Variants in IZUMO3 observed in about 807,000 individuals in gnomAD.
The protein encoded by IZUMO3 is izumo sperm-egg fusion protein 3.
IZUMO3 carries 36 observed loss-of-function variants against 28.4 expected under a neutral mutation model. The ratio of observed to expected loss-of-function variants is 1.27; its 90% confidence interval spans 0.97 to 1.67. The LOEUF (loss-of-function observed/expected upper bound fraction) is 1.67, where lower values mean the gene tolerates loss of function less well. Among genes scored for constraint, IZUMO3 ranks in the 40% most tolerant of loss-of-function variants. The pLI is 0.00. For missense variants in IZUMO3, 387 were observed against 278.5 expected, an observed-to-expected ratio of 1.39 and a Z score of -2.77; for synonymous variants, 126 against 99.2, an observed-to-expected ratio of 1.27 and a Z score of -1.61.
intron 6 of IZUMO3, 64 bp from the exon 7 acceptor site, chr9:24,543,431 A>G: frequency 4.6e-6 from 1 of 218,312 alleles, no homozygotes; most frequent in South Asian, 7.7e-5. Flanking sequence ...TAAGCCAGTT[A>G]TACATTGTTT....
In IZUMO3 at chr9:24,545,684, G is replaced by T; in HGVS notation, c.-35C>A. The T allele has an allele frequency of 6.5e-7, 1 of 1,534,892 alleles. No individual in the cohort carries two copies. On this transcript the variant is annotated 5_prime_UTR_variant, in exon 1 of 7. Transcript: ENST00000543880. ...CACCCCCGCTCCCCGACAGCAGGTT[G>T]TCCTGGCAACTAGTTCACTTAGTTC...
chr9:24,545,682 T>G lies in IZUMO3; in HGVS notation c.-33A>C, dbSNP rs1819578085. On this transcript the variant is annotated 5_prime_UTR_variant, in exon 1 of 7. Transcript: ENST00000543880. The stretch of plus-strand genomic sequence containing the variant: ...TTCACCCCCGCTCCCCGACAGCAGG[T>G]TGTCCTGGCAACTAGTTCACTTAGT... 6.5e-7 allele frequency: 1 copy of G among 1,534,922 alleles called. No homozygotes were observed. Among genetic ancestry groups the G allele is most frequent in the African/African-American group, 1.4e-5 (1 of 73,078 alleles).
rs778169977 is a variant in IZUMO3, at chr9:24,545,505, G to T, written c.145C>A (p.Gln49Lys). The T allele has an allele frequency of 2.0e-6, 3 of 1,535,416 alleles. No homozygotes were observed. The highest frequency in any genetic ancestry group is 2.6e-6 in the Non-Finnish European group (3 of 1,146,698). ...LIPSEVPGRT[Q>K]LLERQIKEMI... The stretch of plus-strand genomic sequence containing the variant: ...TCCTTAATCTGCCGTTCAAGCAGCT[G>T]AGTTCGGCCGGGGACTTCTGAAGGT... The change falls in exon 1 of 7, where the codon CAG (glutamine) becomes AAG (lysine). Residue 49 changes from glutamine (Q) to lysine (K), a missense_variant. Coordinates refer to ENST00000543880, the MANE Select transcript of IZUMO3 (RefSeq NM_001365008.2).
In IZUMO3 at chr9:24,545,070, G is replaced by T; in HGVS notation, c.302-9C>A. ...TTGATAGATAAAGACACCTAAGAGG[G>T]AGTGGAAGGGGTGTCAAAAAATAGA... On this transcript the variant is annotated splice_polypyrimidine_tract_variant and intron_variant, in intron 2 of 6. Transcript: ENST00000543880. 2 of 1,529,734 alleles carry T rather than the reference G, an allele frequency of 1.3e-6. No homozygotes were observed. The highest frequency in any genetic ancestry group is 2.0e-5 in the Admixed American group (1 of 50,952). 94.8% of individuals were successfully genotyped at this position (1,529,734 alleles called of 1,614,324 possible). A position where few individuals can be genotyped will look rare whatever the true frequency, so the allele number is the denominator to read the frequency against.
rs1008985918 is a variant in IZUMO3 at position 24,543,131 on chromosome 9, T to A, written c.*98A>T. On this transcript the variant is annotated 3_prime_UTR_variant, in exon 7 of 7. Coordinates refer to ENST00000543880, the MANE Select transcript of IZUMO3 (RefSeq NM_001365008.2). Reference sequence around the variant, plus strand: ...AAGTTCTATTTCAGTTTTAAAATACTATGACTTTATGACCAAGAAAGGGTT... The same window carrying A: ...AAGTTCTATTTCAGTTTTAAAATACAATGACTTTATGACCAAGAAAGGGTT... 1.2e-5 allele frequency: 11 copies of A among 939,854 alleles called. No individual in the cohort carries two copies. Among genetic ancestry groups the A allele is most frequent in the African/African-American group, 1.7e-5 (1 of 58,602 alleles). 58.2% of individuals were successfully genotyped at this position (939,854 alleles called of 1,614,324 possible).
intron 6 of IZUMO3, 104 bp from the exon 7 acceptor site, chr9:24,543,471 T>TTTTTC (rs1819506784): frequency 1.2e-6 from 1 of 826,336 alleles, no homozygotes; most frequent in Non-Finnish European, 1.6e-6. Context: ...TTTTTTTTTT[T>TTTTTC]TGCTGGATAC....
chr9:24,544,037 C>T (rs577053638), intron 5 of IZUMO3, among the ~76,000 whole-genome samples, 164 bp downstream of exon 5: 2 of 152,210 alleles, frequency 1.3e-5, no homozygotes, highest in East Asian at 1.9e-4. Context: ...ATTATTTATA[C>T]TGGTCAAAAT....
At chr9:24,544,864 C>G (rs1284432239) in intron 3 of IZUMO3, 104 bp from the exon 4 acceptor site, 1 of 1,334,182 alleles carries the variant, frequency 7.5e-7, no homozygotes, top group African/African-American at 1.5e-5. Flanking sequence ...AGTTACCTCT[C>G]CACCCATTCT....
intron 5 of IZUMO3, 21 bp from the exon 6 acceptor site, chr9:24,543,775 A>G (rs1442544026): frequency 1.4e-6 from 2 of 1,463,816 alleles, no homozygotes; most frequent in Admixed American, 3.9e-5. Context: ...AAACAGGAAA[A>G]TATGAAAGTG....
At position 24,545,269 on chromosome 9, in the gene IZUMO3, T is replaced by A; in HGVS notation, c.244A>T (p.Lys82Ter). The change falls in exon 2 of 7, where the codon AAG (lysine) becomes TAG (stop). Residue 82 changes from lysine (K) to a stop codon, truncating the protein, a stop_gained. Coordinates refer to ENST00000543880, the MANE Select transcript of IZUMO3 (RefSeq NM_001365008.2). LOFTEE classifies it high-confidence loss of function. ...TCATTCTTCAACCATGTTCTCAACT[T>A]AACAACCTGCTGAACAGCTAGAGAG... ...LRVLAVQQVVKLRTWLKNEFY... is the reference protein window; with the variant it reads ...LRVLAVQQVV 6.5e-7 allele frequency: 1 copy of A among 1,550,334 alleles called. No individual in the cohort carries two copies.
chr9:24,543,484 C>A, intron 6 of IZUMO3, 117 bp from the exon 7 acceptor site: 3 of 244,712 alleles, frequency 1.2e-5, no homozygotes, highest in East Asian at 2.2e-4. Context: ...CTGGATACTT[C>A]TCCATTTCCT....
chr9:24,544,583 C>G (rs1169307971), intron 4 of IZUMO3, among the ~76,000 whole-genome samples, 160 bp downstream of exon 4: 1 of 152,106 alleles, frequency 6.6e-6, no homozygotes, highest in African/African-American at 2.4e-5. Context: ...ATTTCATGAG[C>G]TAGGTTTCGT....
chr9:24,543,438 GTTTTTTTTTTTTTTT>G (rs33972842), intron 6 of IZUMO3, 71 bp from the exon 7 acceptor site: 1,106 of 37,732 alleles, frequency 0.029, 2 homozygotes, highest in Middle Eastern at 0.064. Context: ...GTTATACATT[GTTTTTTTTTTTTTTT>G]TTTTTTTTTT....
At position 24,545,822 on chromosome 9, in the gene IZUMO3, C is replaced by A; in HGVS notation, c.-173G>T. 1 of 1,543,440 alleles carries A rather than the reference C, an allele frequency of 6.5e-7. No individual in the cohort carries two copies. On this transcript the variant is annotated 5_prime_UTR_variant, in exon 1 of 7. Coordinates refer to ENST00000543880, the MANE Select transcript of IZUMO3 (RefSeq NM_001365008.2). ...ATCTTTAGTTGTTTAGTTTAATGAT[C>A]TTTAGTTGTTTACTGACTATTATCC...
chr9:24,543,865 C>T (rs1819519225), intron 5 of IZUMO3, 111 bp from the exon 6 acceptor site: 1 of 712,474 alleles, frequency 1.4e-6, no homozygotes, highest in African/African-American at 1.8e-5. Context: ...CTGTTTACTA[C>T]TTCATCACTG....
chr9:24,543,676 C>T lies in IZUMO3; in HGVS notation c.569G>A (p.Ser190Asn). The part of the protein sequence containing the change: ...ILLATAVILG[S>N]AVLLFHFCIF... ...AGAAGAAACTCACAGTAACACAGCA[C>T]TTCCCAGTATTACAGCTGTTGCCAG... Residue 190 changes from serine to asparagine, a missense_variant, in exon 6 of 7, where the codon AGT (serine) becomes AAT (asparagine). Ser to Asn is a conservative substitution (Grantham distance 46). Transcript: ENST00000543880. 6.5e-7 allele frequency: 1 copy of T among 1,545,086 alleles called. No homozygotes were observed. The highest frequency in any genetic ancestry group is 8.8e-7 in the Non-Finnish European group (1 of 1,142,272).
chr9:24,545,775 G>A lies in IZUMO3; in HGVS notation c.-126C>T, dbSNP rs1407362233. On this transcript the variant is annotated 5_prime_UTR_variant, in exon 1 of 7. Transcript: ENST00000543880. ...ATAGTCTGACTCCACTTTTCCCGCT[G>A]TTTCCATCCCACTATCGGGCAATCT... 6.5e-7 allele frequency: 1 copy of A among 1,535,988 alleles called. No individual in the cohort carries two copies. The highest frequency in any genetic ancestry group is 8.8e-7 in the Non-Finnish European group (1 of 1,141,236).
chr9:24,544,187 A>T lies in IZUMO3; in HGVS notation c.490+14T>A, dbSNP rs761792552. 6 of 1,528,490 alleles carry T rather than the reference A, an allele frequency of 3.9e-6. No homozygotes were observed. The highest frequency in any genetic ancestry group is 5.3e-6 in the Non-Finnish European group (6 of 1,127,062). 94.7% of individuals were successfully genotyped at this position (1,528,490 alleles called of 1,614,324 possible). ...CCCTGTCCCTTCAAAATTCCATACC[A>T]TGATCTTTGTTACCTCCACAATATT... On this transcript the variant is annotated intron_variant, in intron 5 of 6. Transcript: ENST00000543880.
chr9:24,545,004 A>C lies in IZUMO3; in HGVS notation c.359T>G (p.Leu120Arg). 6.4e-7 allele frequency: 1 copy of C among 1,550,672 alleles called. No homozygotes were observed. Among genetic ancestry groups the C allele is most frequent in the Non-Finnish European group, 8.7e-7 (1 of 1,146,816 alleles). The change falls in exon 3 of 7, where the codon CTG becomes CGG. Residue 120 changes from leucine to arginine, a missense_variant. Coordinates refer to ENST00000543880, the MANE Select transcript of IZUMO3 (RefSeq NM_001365008.2). ...AGAGAAGTTCTTTAGTAATTCTTTC[A>C]GTTTGGATTCCAGGTTTTGGCAGAC... ...LDVCQNLESKLKELLKNFSEI... is the reference protein window; with the variant it reads ...LDVCQNLESKRKELLKNFSEI...
Sources: gnomAD v4.1 joint callset for allele counts (sites outside exome capture counted in the v4.1 genomes callset) on GRCh38, gnomAD v4.1.1 for gene constraint, MANE v1.5 for transcripts, NCBI Gene and HGNC (gene_info 2026-07-23, HGNC 2026-07-21) for gene names.